CREM: variants seen among roughly 807,000 people sequenced by gnomAD.
The protein encoded by CREM is cAMP-responsive element modulator.
In CREM, 13 loss-of-function variants were observed where a neutral mutation model predicts 37.3. The observed-to-expected ratio is 0.35, with a 90% CI of 0.23 to 0.55. The LOEUF is 0.55. CREM is among the 20% of genes least tolerant of loss of function. The pLI, the probability that CREM is intolerant of heterozygous loss-of-function variation, is 0.88. For synonymous variants in CREM, 124 were observed against 120.2 expected (o/e 1.03, Z -0.21); for missense variants, 296 against 362.3 (o/e 0.82, Z 1.49).
At chr10:35,142,904 GGCCTCAATA>G (rs1391854148) in intron 2 of CREM, among the ~76,000 whole-genome samples, 2 of 152,128 alleles carry the variant, frequency 1.3e-5, no homozygotes, top group African/African-American at 4.8e-5. Flanking sequence ...CCCTGTGCTT[GGCCTCAATA>G]GCTTATTCTG....
At chr10:35,138,705 T>A (rs1743229924) in intron 2 of CREM, among the ~76,000 whole-genome samples, 1 of 151,670 alleles carries the variant, frequency 6.6e-6, no homozygotes, top group African/African-American at 2.4e-5. Context: ...TTTAATTTTA[T>A]ATTAAAACAA....
In CREM at chr10:35,149,938, A is replaced by ACACACACACACACC. The variant is rs796295851; in HGVS notation, c.168+1448_168+1449insACACACACACACCC. 1.5e-3 allele frequency among the ~76,000 whole-genome samples: 223 copies of ACACACACACACACC among 145,478 alleles called. 3 individuals are homozygous for ACACACACACACACC. The highest frequency in any genetic ancestry group is 7.2e-3 in the Admixed American group (103 of 14,402). ...CACACACACACACACACACACACAC[A>ACACACACACACACC]CCCTTGTTAAAAAAAATGCATGTTC... On this transcript the variant is annotated intron_variant, in intron 3 of 7. Transcript: ENST00000685392.
chr10:35,136,612 G>A (rs763851451), intron 1 of CREM, among the ~76,000 whole-genome samples: 10 of 152,132 alleles, frequency 6.6e-5, no homozygotes, highest in Non-Finnish European at 1.0e-4. Context: ...CCTGCCTGCT[G>A]CCTACAGTTC....
chr10:35,133,340 CTG>C (rs1564783654), intron 1 of CREM, among the ~76,000 whole-genome samples: 2 of 149,220 alleles, frequency 1.3e-5, no homozygotes, highest in African/African-American at 5.0e-5. Context: ...CAGAGTCTCA[CTG>C]TGTCACCCAG....
At chr10:35,169,434 A>G (rs1418290135) in intron 3 of CREM, among the ~76,000 whole-genome samples, 1 of 152,192 alleles carries the variant, frequency 6.6e-6, no homozygotes, top group Non-Finnish European at 1.5e-5. Flanking sequence ...TGATTTTTGC[A>G]CATTGATTTT....
At chr10:35,198,566 T>G (rs768911184) in intron 6 of CREM, among the ~76,000 whole-genome samples, 1 of 151,956 alleles carries the variant, frequency 6.6e-6, no homozygotes, top group African/African-American at 2.4e-5. Flanking sequence ...TGGGATTATA[T>G]TATTGATTTT....
intron 3 of CREM, among the ~76,000 whole-genome samples, chr10:35,151,157 A>T (rs887810498): frequency 6.6e-6 from 1 of 152,232 alleles, no homozygotes; most frequent in Admixed American, 6.5e-5. Flanking sequence ...AAAATGGAAC[A>T]TTATAGAGAC....
rs2094746580 is a variant in CREM, at chr10:35,188,397, T to G, written c.598+9T>G. On this transcript the variant is annotated intron_variant, in intron 6 of 7. Transcript: ENST00000685392. ...CCAGGTTGTTGTTCAAGGTATATTT[T>G]ATTAATCTAATACATTTAGAATACC... 6.2e-7 allele frequency: 1 copy of G among 1,605,350 alleles called. No individual in the cohort carries two copies. Among genetic ancestry groups the G allele is most frequent in the African/African-American group, 1.3e-5 (1 of 74,598 alleles).
chr10:35,181,090 G>C (rs1456426643), intron 5 of CREM, among the ~76,000 whole-genome samples: 1 of 152,260 alleles, frequency 6.6e-6, no homozygotes, highest in East Asian at 1.9e-4. Context: ...CAAGTTGATA[G>C]GGAAGCAGAT....
At chr10:35,143,917 AAGG>A (rs1564806554) in intron 2 of CREM, among the ~76,000 whole-genome samples, 1 of 152,148 alleles carries the variant, frequency 6.6e-6, no homozygotes, top group Non-Finnish European at 1.5e-5. Context: ...TGGAATTTGG[AAGG>A]AGAACAGGAG....
intron 3 of CREM, among the ~76,000 whole-genome samples, chr10:35,153,346 T>A (rs1220251621): frequency 6.6e-6 from 1 of 152,224 alleles, no homozygotes; most frequent in Admixed American, 6.5e-5. Flanking sequence ...GCTCAGCAGA[T>A]CTCAGACATC....
At chr10:35,149,287 G>C (rs2092399011) in intron 3 of CREM, among the ~76,000 whole-genome samples, 1 of 152,220 alleles carries the variant, frequency 6.6e-6, no homozygotes, top group African/African-American at 2.4e-5. Context: ...GCATATTCTA[G>C]GCAGAGCGAA....
At chr10:35,146,579 TGATGATGACC>T (rs2092137962) in intron 2 of CREM, among the ~76,000 whole-genome samples, 2 of 152,076 alleles carry the variant, frequency 1.3e-5, no homozygotes, top group African/African-American at 2.4e-5. Flanking sequence ...ACTTCATGTG[TGATGATGACC>T]TATAATTACC....
At chr10:35,163,988 C>CA (rs936459042) in intron 3 of CREM, among the ~76,000 whole-genome samples, 5 of 145,508 alleles carry the variant, frequency 3.4e-5, no homozygotes, top group African/African-American at 1.0e-4. Flanking sequence ...AAAAAAAAAA[C>CA]AAAAAAAGAG....
Position 35,211,451 on chromosome 10 carries a change from T to C in CREM, c.*53T>C. 1.3e-6 allele frequency: 2 copies of C among 1,581,448 alleles called. No homozygotes were observed. The highest frequency in any genetic ancestry group is 1.7e-6 in the Non-Finnish European group (2 of 1,162,986). ...CTAATCAAGGCAGGAGATGCAGCAG[T>C]CCTACTTATTGCCATGTGGACTTGT... On this transcript the variant is annotated 3_prime_UTR_variant, in exon 8 of 8. Transcript: ENST00000685392.
chr10:35,184,416 C>T (rs1436925311), intron 5 of CREM, among the ~76,000 whole-genome samples: 1 of 152,144 alleles, frequency 6.6e-6, no homozygotes, highest in African/African-American at 2.4e-5. Flanking sequence ...GACAGGCCCA[C>T]GTAAAACCTA....
intron 1 of CREM, 88 bp from the exon 2 acceptor site, chr10:35,137,694 G>C (rs1387496582): frequency 1.9e-6 from 1 of 515,072 alleles, no homozygotes; most frequent in African/African-American, 2.0e-5. Context: ...CTTGTTTTGA[G>C]AGGTTTTAAT....
At chr10:35,198,885 T>TAA (rs1276531744) in intron 6 of CREM, among the ~76,000 whole-genome samples, 1 of 152,210 alleles carries the variant, frequency 6.6e-6, no homozygotes, top group Admixed American at 6.5e-5. Context: ...CGTGGTGGCT[T>TAA]ACGCCTGTAA....
chr10:35,190,080 A>C (rs1033836173), intron 6 of CREM, among the ~76,000 whole-genome samples: 1 of 152,224 alleles, frequency 6.6e-6, no homozygotes, highest in African/African-American at 2.4e-5. Flanking sequence ...TAGGTGAATA[A>C]TCTTAAAGAA....
Sources: gnomAD v4.1 joint callset for allele counts (sites outside exome capture counted in the v4.1 genomes callset) on GRCh38, gnomAD v4.1.1 for gene constraint, MANE v1.5 for transcripts, NCBI Gene and HGNC (gene_info 2026-07-23, HGNC 2026-07-21) for gene names.